The following DENND5B variants were observed in gnomAD, a reference collection of about 807,000 sequenced individuals.
DENND5B encodes the protein DENN domain-containing protein 5B.
A neutral mutation model predicts 140.6 loss-of-function variants in DENND5B; 34 were observed. The ratio of observed to expected loss-of-function variants is 0.24; its 90% CI spans 0.18 to 0.32. DENND5B has a LOEUF of 0.32. Among genes scored for constraint, DENND5B ranks in the 10% least tolerant of loss-of-function variants. The pLI is 1.00. For synonymous variants in DENND5B, 551 were observed against 562.1 expected (o/e 0.98, Z 0.28); for missense variants, 1,142 against 1,560.2 (o/e 0.73, Z 4.52).
chr12:31,523,575 T>C (rs1947981057), intron 1 of DENND5B, among the ~76,000 whole-genome samples: 1 of 152,088 alleles, frequency 6.6e-6, no homozygotes, highest in Non-Finnish European at 1.5e-5. Flanking sequence ...TATTAATCTG[T>C]TTTGACATTA....
intron 1 of DENND5B, among the ~76,000 whole-genome samples, chr12:31,573,744 C>T (rs1949903425): frequency 6.6e-6 from 1 of 152,150 alleles, no homozygotes; most frequent in South Asian, 2.1e-4. Flanking sequence ...ACTCTAACCA[C>T]AAATTTTGTG....
At chr12:31,512,463 C>T (rs1446805659) in intron 1 of DENND5B, among the ~76,000 whole-genome samples, 1 of 151,346 alleles carries the variant, frequency 6.6e-6, no homozygotes, top group Non-Finnish European at 1.5e-5. Context: ...AACTCCTGGG[C>T]TCAAGGGATC....
intron 2 of DENND5B, among the ~76,000 whole-genome samples, chr12:31,492,425 C>A (rs780205121): frequency 2.6e-5 from 4 of 152,124 alleles, no homozygotes; most frequent in Non-Finnish European, 4.4e-5. Flanking sequence ...TACTTGTACC[C>A]AGGCCCCAGT....
At chr12:31,445,225 T>G (rs907857396) in intron 6 of DENND5B, among the ~76,000 whole-genome samples, 17 of 152,164 alleles carry the variant, frequency 1.1e-4, no homozygotes, top group African/African-American at 4.1e-4. Context: ...CTAGTACATT[T>G]TACATAGTTC....
intron 7 of DENND5B, among the ~76,000 whole-genome samples, chr12:31,436,826 C>A (rs990349795): frequency 3.3e-5 from 5 of 151,866 alleles, no homozygotes; most frequent in African/African-American, 1.2e-4. Flanking sequence ...TGAGTCACTG[C>A]GCCCGACCCA....
At chr12:31,509,899 G>A (rs1040880818) in intron 1 of DENND5B, among the ~76,000 whole-genome samples, 7 of 152,118 alleles carry the variant, frequency 4.6e-5, no homozygotes, top group South Asian at 2.1e-4. Context: ...GAAAATCAAC[G>A]TGAACTAAGA....
At chr12:31,470,578 C>A (rs1392519023) in intron 3 of DENND5B, among the ~76,000 whole-genome samples, 1 of 152,144 alleles carries the variant, frequency 6.6e-6, no homozygotes, top group Non-Finnish European at 1.5e-5. Context: ...AATTAACCAG[C>A]CTCAGGTATT....
Position 31,542,048 on chromosome 12 carries a change from G to A in DENND5B, c.128-46129C>T, listed in dbSNP as rs184806779. Among the ~76,000 whole-genome samples the A allele has an allele frequency of 6.9e-3, 1,047 of 152,304 alleles. 14 individuals are homozygous for A. The highest frequency in any genetic ancestry group is 0.024 in the African/African-American group (1,004 of 41,560). On this transcript the variant is annotated intron_variant, in intron 1 of 20. Coordinates refer to ENST00000389082, the MANE Select transcript of DENND5B (RefSeq NM_144973.4). Reference sequence around the variant, plus strand: ...CACGCCTGTAATCCCAGCACTTTGGGAGGCCAAAACGGGCAGATCACAAGG... The same window carrying A: ...CACGCCTGTAATCCCAGCACTTTGGAAGGCCAAAACGGGCAGATCACAAGG...
intron 5 of DENND5B, chr12:31,451,565 C>T (rs546295475): frequency 1.7e-5 from 4 of 229,820 alleles, no homozygotes; most frequent in African/African-American, 7.1e-5. Flanking sequence ...CCTTGTGATC[C>T]GTCCGCCTCG....
intron 2 of DENND5B, among the ~76,000 whole-genome samples, chr12:31,484,064 G>C (rs964311770): frequency 1.3e-5 from 2 of 151,718 alleles, no homozygotes; most frequent in Non-Finnish European, 2.9e-5. Flanking sequence ...TTTTTGGCCA[G>C]GCTGGTCTCA....
chr12:31,562,933 T>A (rs76426954), intron 1 of DENND5B, among the ~76,000 whole-genome samples: 1 of 143,560 alleles, frequency 7.0e-6, no homozygotes, highest in Non-Finnish European at 1.6e-5. Context: ...TTCCTTTTTT[T>A]TTTTTTTTAA....
intron 1 of DENND5B, among the ~76,000 whole-genome samples, chr12:31,585,361 T>C (rs1372034214): frequency 2.6e-5 from 4 of 152,292 alleles, no homozygotes; most frequent in South Asian, 2.1e-4. Context: ...AGCTAACAAT[T>C]GACACAGTAT....
At chr12:31,505,150 T>C (rs1048064175) in intron 1 of DENND5B, among the ~76,000 whole-genome samples, 11 of 152,172 alleles carry the variant, frequency 7.2e-5, no homozygotes, top group African/African-American at 2.4e-4. Flanking sequence ...CCCCTGACTA[T>C]ATCGTACCTT....
chr12:31,497,807 GGGCAGCGGAGGGGGCA>G (rs1399081758), intron 1 of DENND5B, among the ~76,000 whole-genome samples: 32 of 7,612 alleles, frequency 4.2e-3, no homozygotes, highest in South Asian at 0.017. Flanking sequence ...GCATGGGGAG[GGGCAGCGGAGGGGGCA>G]GGGAGGGGCA....
chr12:31,454,542 C>T (rs1416782001), intron 4 of DENND5B, among the ~76,000 whole-genome samples: 6 of 151,804 alleles, frequency 4.0e-5, no homozygotes, highest in African/African-American at 9.7e-5. Context: ...CTCCTGGGTT[C>T]GAGCAATTGT....
Position 31,451,371 on chromosome 12 carries a change from C to T in DENND5B, c.1629+569G>A, listed in dbSNP as rs577921907. Among the ~76,000 whole-genome samples, 5 of 151,964 alleles carry T rather than the reference C, an allele frequency of 3.3e-5. No homozygotes were observed. In the East Asian group the frequency reaches 7.7e-4, roughly 23 times the overall value. ...TGGAGTCTCTCTCTGTTGCCCAGGC[C>T]GGAGTACAGTGGCGCTATCTTGGCT... On this transcript the variant is annotated intron_variant, in intron 5 of 20. Transcript: ENST00000389082.
At chr12:31,507,238 C>T (rs1947238798) in intron 1 of DENND5B, among the ~76,000 whole-genome samples, 1 of 152,018 alleles carries the variant, frequency 6.6e-6, no homozygotes, top group Non-Finnish European at 1.5e-5. Context: ...GCTCAGCAGC[C>T]TCAAACTCCC....
intron 1 of DENND5B, among the ~76,000 whole-genome samples, chr12:31,569,306 C>CA (rs1949735037): frequency 6.6e-6 from 1 of 152,064 alleles, no homozygotes; most frequent in South Asian, 2.1e-4. Context: ...TGAGCTCAAG[C>CA]AATTCACCTG....
rs144742439 is a variant in DENND5B, at chr12:31,581,518, G to A, written c.127+9188C>T. Among the ~76,000 whole-genome samples the A allele has an allele frequency of 9.9e-3, 1,507 of 151,860 alleles. 26 individuals carry two copies. Among genetic ancestry groups the A allele is most frequent in the African/African-American group, 0.035 (1,440 of 41,410 alleles). On this transcript the variant is annotated intron_variant, in intron 1 of 20. Coordinates refer to ENST00000389082, the MANE Select transcript of DENND5B (RefSeq NM_144973.4). ...AGCCTGACCAACATGGTGAAACTCC[G>A]TCTCTACTAAAAATACAAAAAAAAA...
Sources: allele counts gnomAD v4.1 joint callset (sites outside exome capture counted in the v4.1 genomes callset), GRCh38; gene constraint gnomAD v4.1.1; transcripts MANE v1.5; gene names NCBI Gene and HGNC (gene_info 2026-07-23, HGNC 2026-07-21).